Variants in QKI observed in about 807,000 individuals in gnomAD.
QKI encodes QKI, KH domain containing RNA binding, also known as KH domain-containing RNA-binding protein QKI.
Under a neutral mutation model 39.0 loss-of-function variants are expected in QKI, and 10 were observed. That is an observed-to-expected ratio of 0.26 (90% CI 0.16 to 0.43). The LOEUF (loss-of-function observed/expected upper bound fraction) is 0.43. Among genes scored for constraint, QKI ranks in the 20% least tolerant of loss-of-function variants. QKI has a pLI of 1.00. For synonymous variants in QKI, 204 were observed against 155.4 expected, an observed-to-expected ratio of 1.31 and a Z score of -2.33; for missense variants, 218 against 428.0, an observed-to-expected ratio of 0.51 and a Z score of 4.33.
intron 4 of QKI, among the ~76,000 whole-genome samples, chr6:163,536,662 A>G (rs1781230622): frequency 6.6e-6 from 1 of 151,820 alleles, no homozygotes; most frequent in Non-Finnish European, 1.5e-5. Context: ...TGTTTAGCAT[A>G]GAGCCCAGCA....
chr6:163,444,177 G>A (rs1463204470), intron 1 of QKI, among the ~76,000 whole-genome samples: 1 of 152,180 alleles, frequency 6.6e-6, no homozygotes, highest in Non-Finnish European at 1.5e-5. Context: ...AGTATATACA[G>A]CCCTTGCCTG....
At chr6:163,535,391 T>C (rs1312715170) in intron 4 of QKI, among the ~76,000 whole-genome samples, 1 of 152,096 alleles carries the variant, frequency 6.6e-6, no homozygotes, top group Non-Finnish European at 1.5e-5. Context: ...TCAGTTCTCC[T>C]TCCTTCCCGG....
intron 3 of QKI, among the ~76,000 whole-genome samples, chr6:163,506,487 G>A (rs1269489947): frequency 3.3e-5 from 5 of 152,138 alleles, no homozygotes; most frequent in Non-Finnish European, 7.4e-5. Context: ...TACATCACAT[G>A]ATTTGTGATA....
At chr6:163,440,515 A>G (rs1789684602) in intron 1 of QKI, among the ~76,000 whole-genome samples, 1 of 152,236 alleles carries the variant, frequency 6.6e-6, no homozygotes, top group Non-Finnish European at 1.5e-5. Context: ...CTGGATTTGT[A>G]TCTCCTAGCC....
At chr6:163,457,247 T>TA (rs1277629183) in intron 2 of QKI, 6 of 447,710 alleles carry the variant, frequency 1.3e-5, no homozygotes, top group Admixed American at 9.6e-5. Flanking sequence ...TTCCATCTCT[T>TA]AAAAAAAGAA....
intron 3 of QKI, among the ~76,000 whole-genome samples, chr6:163,504,056 T>C (rs2128232706): frequency 6.6e-6 from 1 of 152,180 alleles, no homozygotes; most frequent in Middle Eastern, 3.4e-3. Flanking sequence ...AATTTTTGTA[T>C]ATTGTGAAAT....
intron 3 of QKI, among the ~76,000 whole-genome samples, chr6:163,532,316 AATAAC>A: frequency 6.6e-6 from 1 of 152,316 alleles, no homozygotes; most frequent in East Asian, 1.9e-4. Context: ...GTCTATTTAT[AATAAC>A]ATCTGTATCA....
intron 2 of QKI, chr6:163,457,360 T>C: frequency 2.2e-6 from 1 of 456,040 alleles, no homozygotes; most frequent in Middle Eastern, 3.3e-4. Flanking sequence ...GTTCACTATA[T>C]TCCTTTCCTT....
At chr6:163,515,073 C>T (rs1253377551) in intron 3 of QKI, among the ~76,000 whole-genome samples, 1 of 152,040 alleles carries the variant, frequency 6.6e-6, no homozygotes, top group Non-Finnish European at 1.5e-5. Flanking sequence ...TAAAAATGAA[C>T]AAAGTGTGTG....
At chr6:163,489,503 GT>G (rs1777923180) in intron 3 of QKI, among the ~76,000 whole-genome samples, 1 of 150,262 alleles carries the variant, frequency 6.7e-6, no homozygotes, top group Non-Finnish European at 1.5e-5. Context: ...ACCACCTTCA[GT>G]TTCCCAACTA....
chr6:163,505,367 G>A (rs1451241363), intron 3 of QKI, among the ~76,000 whole-genome samples: 2 of 152,310 alleles, frequency 1.3e-5, no homozygotes, highest in East Asian at 3.9e-4. Context: ...CAGAAAAGTA[G>A]ATCCACTGAC....
chr6:163,564,136 A>G (rs1331999702), intron 6 of QKI: 1 of 1,030,062 alleles, frequency 9.7e-7, no homozygotes, highest in Non-Finnish European at 1.2e-6. Flanking sequence ...TCTAAGTGAA[A>G]GTAGTCTGAG....
chr6:163,484,544 C>T (rs1793326224), intron 3 of QKI, among the ~76,000 whole-genome samples: 2 of 152,108 alleles, frequency 1.3e-5, no homozygotes, highest in East Asian at 1.9e-4. Flanking sequence ...TTGGAATGGT[C>T]AATCAGCATT....
chr6:163,519,566 A>C (rs2128237237), intron 3 of QKI, among the ~76,000 whole-genome samples: 1 of 151,948 alleles, frequency 6.6e-6, no homozygotes, highest in South Asian at 2.1e-4. Flanking sequence ...CACATGTGAA[A>C]AATAAGTTAA....
intron 1 of QKI, among the ~76,000 whole-genome samples, chr6:163,441,234 T>C (rs1789742011): frequency 6.6e-6 from 1 of 152,186 alleles, no homozygotes; most frequent in Non-Finnish European, 1.5e-5. Context: ...AATGAACATA[T>C]GTTATTAGCA....
chr6:163,568,597 T>G, intron 7 of QKI: 1 of 977,564 alleles, frequency 1.0e-6, no homozygotes, highest in Non-Finnish European at 1.2e-6. Flanking sequence ...AATTATTTTA[T>G]GATACTACTG....
At chr6:163,536,293 C>G (rs941222647) in intron 4 of QKI, among the ~76,000 whole-genome samples, 2 of 151,906 alleles carry the variant, frequency 1.3e-5, no homozygotes, top group Non-Finnish European at 2.9e-5. Flanking sequence ...AGGAGATTTT[C>G]GAAAGTATAC....
At chr6:163,475,795 G>T (rs1792544867) in intron 2 of QKI, among the ~76,000 whole-genome samples, 1 of 152,160 alleles carries the variant, frequency 6.6e-6, no homozygotes, top group African/African-American at 2.4e-5. Context: ...ACACCAGAAG[G>T]TATCTTGGTG....
intron 2 of QKI, among the ~76,000 whole-genome samples, chr6:163,470,824 T>G (rs1292591544): frequency 1.3e-5 from 2 of 152,058 alleles, no homozygotes; most frequent in Non-Finnish European, 2.9e-5. Flanking sequence ...AGAAGAAAAT[T>G]TTCAGCATGG....
Sources: allele counts gnomAD v4.1 joint callset (sites outside exome capture counted in the v4.1 genomes callset), GRCh38; gene constraint gnomAD v4.1.1; transcripts MANE v1.5; gene names NCBI Gene and HGNC (gene_info 2026-07-23, HGNC 2026-07-21).